Variants in CCDC180 observed in about 807,000 individuals in gnomAD.
CCDC180 encodes the protein coiled-coil domain-containing protein 180.
CCDC180 carries 154 observed loss-of-function variants against 209.2 expected under a neutral mutation model. The ratio of observed to expected loss-of-function variants is 0.74; its 90% CI spans 0.65 to 0.84. The LOEUF is 0.84. Among genes scored for constraint, CCDC180 ranks in the 40% least tolerant of loss-of-function variants. The pLI, the probability that CCDC180 is intolerant of heterozygous loss-of-function variation, is 0.00. For missense variants in CCDC180, 1,874 were observed against 1,997.3 expected (o/e 0.94, Z 1.18); for synonymous variants, 778 against 749.1 (o/e 1.04, Z -0.63).
rs745489462 is a variant in CCDC180, at chr9:97,378,253, A to G, written c.*1359A>G. ...TCTAGAGACAGTCACTGTCCATAGCATCTTTCCATGTATGTGAGTTATTTT... is the reference window on the plus strand; with the variant it reads ...TCTAGAGACAGTCACTGTCCATAGCGTCTTTCCATGTATGTGAGTTATTTT... On this transcript the variant is annotated 3_prime_UTR_variant, in exon 37 of 37. Coordinates refer to ENST00000529487, the MANE Select transcript of CCDC180 (RefSeq NM_020893.6). The G allele has an allele frequency of 4.6e-5, 7 of 152,224 alleles. No individual in the cohort carries two copies. Among genetic ancestry groups the G allele is most frequent in the South Asian group, 4.1e-4 (2 of 4,836 alleles). 9.4% of individuals were successfully genotyped at this position (152,224 alleles called of 1,614,324 possible). A position where few individuals can be genotyped will look rare whatever the true frequency, so the allele number is the denominator to read the frequency against.
At position 97,375,337 on chromosome 9, in the gene CCDC180, T is replaced by C. The variant is rs899195885; in HGVS notation, c.4707-117T>C. 42 of 1,344,360 alleles carry C rather than the reference T, an allele frequency of 3.1e-5. 1 individual carries two copies. The Admixed American group carries it at 5.8e-4, about 18-fold the overall frequency. The allele number at this position is 1,344,360 out of a possible 1,614,324, so 83.3% of individuals were successfully genotyped here. A position where few individuals can be genotyped will look rare whatever the true frequency, so the allele number is the denominator to read the frequency against. On this transcript the variant is annotated intron_variant, in intron 35 of 36. Coordinates refer to ENST00000529487, the MANE Select transcript of CCDC180 (RefSeq NM_020893.6). ...AGTATGTTTTTTCTTTTCATTAAGA[T>C]ATTTAAAGCCATGATAATTTTTTCA...
chr9:97,376,594 G>A, intron 36 of CCDC180, 169 bp from the exon 37 acceptor site: 1 of 651,950 alleles, frequency 1.5e-6, no homozygotes. Context: ...TGTAAAATGG[G>A]GAAAACAACT....
At position 97,316,147 on chromosome 9, in the gene CCDC180, C is replaced by G. The variant is rs181513883; in HGVS notation, c.796-918C>G. ...TAGAAGAGTCAAGGATTTCAGTGTC[C>G]CGGATGTGTTTCACTGCTTCCCTTC... On this transcript the variant is annotated intron_variant, in intron 8 of 36. Transcript: ENST00000529487. Among the ~76,000 whole-genome samples the G allele has an allele frequency of 1.2e-4, 19 of 152,236 alleles. No homozygotes were observed. The East Asian group carries it at 3.1e-3, about 25-fold the overall frequency.
intron 28 of CCDC180, chr9:97,363,724 G>C: frequency 2.0e-6 from 1 of 501,536 alleles, no homozygotes; most frequent in South Asian, 1.8e-5. Flanking sequence ...CCTACCTGTG[G>C]CTCAATGTTT....
At chr9:97,339,494 C>T (rs1826012336) in intron 18 of CCDC180, among the ~76,000 whole-genome samples, 1 of 144,500 alleles carries the variant, frequency 6.9e-6, no homozygotes, top group South Asian at 2.2e-4. Context: ...CCCCCACTCT[C>T]TTCTGGCTTG....
Position 97,357,618 on chromosome 9 carries a change from G to C in CCDC180, c.3265-9G>C. 1.2e-6 allele frequency: 2 copies of C among 1,602,364 alleles called. No homozygotes were observed. Among genetic ancestry groups the C allele is most frequent in the Non-Finnish European group, 1.7e-6 (2 of 1,171,476 alleles). On this transcript the variant is annotated splice_polypyrimidine_tract_variant and intron_variant, in intron 24 of 36. Coordinates refer to ENST00000529487, the MANE Select transcript of CCDC180 (RefSeq NM_020893.6). ...TAGAAACAAAATCTCGGAACCTCTG[G>C]TTTTCTAGGTGGCAAAATCCAATTC...
At position 97,325,140 on chromosome 9, in the gene CCDC180, A is replaced by G; in HGVS notation, c.1493A>G (p.Glu498Gly). Residue 498 changes from glutamate (E) to glycine (G), a missense_variant, in exon 14 of 37, where the codon GAG (glutamate) becomes GGG (glycine). Transcript: ENST00000529487. ...AGCGAGCTGTTGGTGCAGGAGCTGGAGCTGGAGAAGAGGATGGAGCAGCAC... is the reference window on the plus strand; with the variant it reads ...AGCGAGCTGTTGGTGCAGGAGCTGGGGCTGGAGAAGAGGATGGAGCAGCAC... Reference protein sequence around the residue: ...HQSELLVQELELEKRMEQHRQ... With the variant: ...HQSELLVQELGLEKRMEQHRQ... The G allele has an allele frequency of 1.2e-6, 2 of 1,611,996 alleles. No individual in the cohort carries two copies. The highest frequency in any genetic ancestry group is 1.7e-6 in the Non-Finnish European group (2 of 1,179,184).
chr9:97,319,084 T>C (rs1407412355), intron 10 of CCDC180, among the ~76,000 whole-genome samples: 1 of 152,076 alleles, frequency 6.6e-6, no homozygotes, highest in Non-Finnish European at 1.5e-5. Flanking sequence ...CTGAGTGTTC[T>C]AGATCCAGCT....
At chr9:97,347,642 G>A (rs753057573) in intron 20 of CCDC180, 153 bp downstream of exon 20, 17 of 689,616 alleles carry the variant, frequency 2.5e-5, no homozygotes, top group African/African-American at 9.1e-5. Context: ...ATGAGGGTTC[G>A]CACCTCTGAG....
Position 97,317,158 on chromosome 9 carries a change from C to T in CCDC180, c.889C>T (p.Arg297Cys), listed in dbSNP as rs141910644. Residue 297 changes from arginine to cysteine, a missense_variant, in exon 9 of 37, where the codon CGC becomes TGC. Physicochemically the swap from Arg to Cys is radical, Grantham distance 180 (BLOSUM62 -3). Coordinates refer to ENST00000529487, the MANE Select transcript of CCDC180 (RefSeq NM_020893.6). ...ESTLQQELDSRHRWQGLVDTW... is the reference protein window; with the variant it reads ...ESTLQQELDSCHRWQGLVDTW... ...CACCCTGCAGCAGGAGCTGGACAGC[C>T]GCCACCGCTGGCAAGGCTTGGTGGA... is the stretch of plus-strand genomic sequence containing the variant. The T allele has an allele frequency of 3.5e-5, 56 of 1,613,302 alleles. No individual in the cohort carries two copies. Among genetic ancestry groups the T allele is most frequent in the Middle Eastern group, 3.3e-4 (2 of 6,060 alleles).
intron 22 of CCDC180, among the ~76,000 whole-genome samples, chr9:97,351,363 G>A (rs1174014706): frequency 6.6e-6 from 1 of 152,132 alleles, no homozygotes; most frequent in African/African-American, 2.4e-5. Context: ...GTTAATGGGC[G>A]TGAGGTGTTT....
intron 35 of CCDC180, among the ~76,000 whole-genome samples, chr9:97,375,232 C>G (rs558063183): frequency 1.2e-4 from 19 of 152,318 alleles, no homozygotes; most frequent in South Asian, 4.1e-4. Flanking sequence ...CTTCCCCCCC[C>G]AGAACCCCAG....
Position 97,362,050 on chromosome 9 carries a change from G to A in CCDC180, c.3657-146G>A, listed in dbSNP as rs1826770141. The stretch of plus-strand genomic sequence containing the variant: ...CTCAGGCAAAGGGCTTCCCCACCCA[G>A]AGCCCCAGTTTCTCATCTGAAATGG... On this transcript the variant is annotated intron_variant, in intron 27 of 36. Coordinates refer to ENST00000529487, the MANE Select transcript of CCDC180 (RefSeq NM_020893.6). 2.2e-6 allele frequency: 3 copies of A among 1,379,472 alleles called. No individual in the cohort carries two copies. In the South Asian group the frequency reaches 4.2e-5, roughly 19 times the overall value. 85.5% of individuals were successfully genotyped at this position (1,379,472 alleles called of 1,614,324 possible).
intron 16 of CCDC180, 51 bp from the exon 17 acceptor site, chr9:97,330,103 C>G: frequency 8.4e-6 from 9 of 1,070,622 alleles, no homozygotes; most frequent in Non-Finnish European, 1.3e-5. Context: ...GGGGGGCACT[C>G]TGAAGAAAGG....
intron 25 of CCDC180, among the ~76,000 whole-genome samples, chr9:97,358,643 G>A (rs921535055): frequency 6.6e-6 from 1 of 152,032 alleles, no homozygotes; most frequent in African/African-American, 2.4e-5. Flanking sequence ...GGGGGACATC[G>A]GGAGTTCTCT....
chr9:97,343,627 T>TAAA (rs34335877), intron 19 of CCDC180, 64 bp downstream of exon 19: 28 of 936,810 alleles, frequency 3.0e-5, no homozygotes, highest in African/African-American at 1.3e-4. Flanking sequence ...GGTGAAATAT[T>TAAA]AAAAAAAAAA....
At chr9:97,327,992 T>G (rs767547185) in intron 15 of CCDC180, 28 bp from the exon 16 acceptor site, 2 of 1,604,052 alleles carry the variant, frequency 1.2e-6, no homozygotes, top group African/African-American at 1.3e-5. Flanking sequence ...CTAGCTGGGG[T>G]CTCCTGTCTT....
rs1826848435 is a variant in CCDC180 at position 97,364,103 on chromosome 9, G to A, written c.3955G>A (p.Gly1319Arg). 1 of 1,614,066 alleles carries A rather than the reference G, an allele frequency of 6.2e-7. No homozygotes were observed. The highest frequency in any genetic ancestry group is 8.5e-7 in the Non-Finnish European group (1 of 1,180,014). ...AATGGAGAGAAAGTACCGGGTGCTTGGGGACAAGCCTCCCCCTGCTGCCGA... is the reference window on the plus strand; with the variant it reads ...AATGGAGAGAAAGTACCGGGTGCTTAGGGACAAGCCTCCCCCTGCTGCCGA... ...NKMERKYRVLGDKPPPAAEDF... is the reference protein window; with the variant it reads ...NKMERKYRVLRDKPPPAAEDF... Residue 1319 changes from glycine (G) to arginine (R), a missense_variant, in exon 29 of 37, where the codon GGG (glycine) becomes AGG (arginine). Gly to Arg is a moderately radical substitution (Grantham distance 125). Transcript: ENST00000529487.
intron 13 of CCDC180, 31 bp from the exon 14 acceptor site, chr9:97,324,988 T>G: frequency 6.2e-7 from 1 of 1,602,036 alleles, no homozygotes; most frequent in Non-Finnish European, 8.5e-7. Flanking sequence ...TGTCAGCCCT[T>G]AAGTCCCTTC....
Sources: gnomAD v4.1 joint callset for allele counts (sites outside exome capture counted in the v4.1 genomes callset) on GRCh38, gnomAD v4.1.1 for gene constraint, MANE v1.5 for transcripts, NCBI Gene and HGNC (gene_info 2026-07-23, HGNC 2026-07-21) for gene names.